The following AKAP7 variants were observed in gnomAD, a reference collection of about 807,000 sequenced individuals.
AKAP7 encodes A kinase (PRKA) anchor protein 7.
Under a neutral mutation model 39.5 loss-of-function variants are expected in AKAP7, and 39 were observed. That is an observed-to-expected ratio of 0.99 (90% CI 0.76 to 1.29). The LOEUF is 1.29. Among genes scored for constraint, AKAP7 ranks in the 50% most tolerant of loss-of-function variants. The pLI, the probability that AKAP7 is intolerant of heterozygous loss-of-function variation, is 0.00. For missense variants in AKAP7, 414 were observed against 407.7 expected (o/e 1.02, Z -0.13); for synonymous variants, 140 against 139.1 (o/e 1.01, Z -0.05).
rs2273867 is a variant in AKAP7 at position 131,250,353 on chromosome 6, T to C, written c.850+30545T>C. 37 of 1,378,122 alleles carry C rather than the reference T, an allele frequency of 2.7e-5. No individual in the cohort carries two copies. The East Asian group carries it at 1.0e-3, about 38-fold the overall frequency. 85.4% of individuals were successfully genotyped at this position (1,378,122 alleles called of 1,614,324 possible). On this transcript the variant is annotated intron_variant, in intron 7 of 7. Transcript: ENST00000431975. Reference sequence around the variant, plus strand: ...CAGTCCCAGAGCAGTTGCATTAGGCTGGAGGACTGGAGGTGGAGCCTTTTT... The same window carrying C: ...CAGTCCCAGAGCAGTTGCATTAGGCCGGAGGACTGGAGGTGGAGCCTTTTT...
upstream of AKAP7, among the ~76,000 whole-genome samples, chr6:131,130,566 G>A (rs745729279): frequency 4.6e-5 from 7 of 152,376 alleles, no homozygotes; most frequent in Non-Finnish European, 1.0e-4. Flanking sequence ...AAAGTGCTGG[G>A]ATTACAAGCG....
At chr6:131,258,324 T>G (rs1294769390) in intron 7 of AKAP7, among the ~76,000 whole-genome samples, 1 of 152,204 alleles carries the variant, frequency 6.6e-6, no homozygotes, top group Non-Finnish European at 1.5e-5. Flanking sequence ...CCTCAAAGTT[T>G]ATTATGCCTT....
intron 7 of AKAP7, among the ~76,000 whole-genome samples, chr6:131,272,398 T>C (rs978507437): frequency 4.6e-5 from 7 of 152,168 alleles, no homozygotes; most frequent in African/African-American, 1.7e-4. Flanking sequence ...TTTCCTTCTT[T>C]CTGCTTAATT....
At chr6:131,189,495 AAG>A (rs148033117) in intron 5 of AKAP7, among the ~76,000 whole-genome samples, 71,958 of 151,824 alleles carry the variant, frequency 0.47, 17,354 homozygotes, top group East Asian at 0.68. Flanking sequence ...ATCTTGCAAA[AAG>A]GGTATATAAG....
At chr6:131,136,480 G>C (rs1800552696) in intron 1 of AKAP7, among the ~76,000 whole-genome samples, 1 of 152,124 alleles carries the variant, frequency 6.6e-6, no homozygotes, top group African/African-American at 2.4e-5. Flanking sequence ...GCAGTTAATC[G>C]TGTGAATATG....
chr6:131,182,903 A>C (rs1805411741), intron 5 of AKAP7, among the ~76,000 whole-genome samples: 1 of 152,106 alleles, frequency 6.6e-6, no homozygotes, highest in Non-Finnish European at 1.5e-5. Context: ...AATTTATGTA[A>C]CTAATTAAAA....
At chr6:131,219,339 A>G (rs1217632773) in intron 6 of AKAP7, among the ~76,000 whole-genome samples, 1 of 151,848 alleles carries the variant, frequency 6.6e-6, no homozygotes, top group Non-Finnish European at 1.5e-5. Context: ...GTTGGAGATG[A>G]TTAGTCTTTC....
chr6:131,273,790 C>T (rs1374906540), intron 7 of AKAP7, among the ~76,000 whole-genome samples: 2 of 151,910 alleles, frequency 1.3e-5, no homozygotes, highest in South Asian at 2.1e-4. Context: ...TATCATTTTC[C>T]TTCTGCCTCA....
chr6:131,165,282 C>A, intron 4 of AKAP7, 65 bp downstream of exon 4: 1 of 1,226,910 alleles, frequency 8.2e-7, no homozygotes. Flanking sequence ...GTAAGCACAG[C>A]AGAACCCAAA....
At chr6:131,131,396 C>T (rs1332989386), upstream of AKAP7, among the ~76,000 whole-genome samples, 1 of 152,012 alleles carries the variant, frequency 6.6e-6, no homozygotes, top group East Asian at 1.9e-4. Flanking sequence ...CCACTCTTGC[C>T]ACGCAACAGG....
intron 7 of AKAP7, among the ~76,000 whole-genome samples, chr6:131,238,684 C>A (rs554706157): frequency 2.0e-5 from 3 of 152,200 alleles, no homozygotes; most frequent in Non-Finnish European, 4.4e-5. Context: ...CTCTTTTGAT[C>A]TTTGTTGGTT....
intron 7 of AKAP7, among the ~76,000 whole-genome samples, chr6:131,271,379 C>T (rs151219182): frequency 4.6e-5 from 7 of 151,950 alleles, no homozygotes; most frequent in Admixed American, 1.3e-4. Context: ...AGTCTAGTTG[C>T]GGATTTTTTT....
chr6:131,268,236 A>G (rs1039235630), intron 7 of AKAP7, among the ~76,000 whole-genome samples: 4 of 152,134 alleles, frequency 2.6e-5, no homozygotes, highest in Non-Finnish European at 5.9e-5. Flanking sequence ...ACTGTGAAGT[A>G]TATCTGCCTG....
intron 7 of AKAP7, among the ~76,000 whole-genome samples, chr6:131,228,907 G>T (rs1389725707): frequency 6.6e-6 from 1 of 152,190 alleles, no homozygotes; most frequent in South Asian, 2.1e-4. Flanking sequence ...ACGTAAGAAT[G>T]TTCTTGCTGA....
chr6:131,270,087 T>C (rs921108827), intron 7 of AKAP7, among the ~76,000 whole-genome samples: 1 of 152,168 alleles, frequency 6.6e-6, no homozygotes, highest in Non-Finnish European at 1.5e-5. Flanking sequence ...ATGGTTTGTT[T>C]TTCATTGAGG....
chr6:131,151,184 A>G (rs1801882445), intron 2 of AKAP7, among the ~76,000 whole-genome samples: 1 of 151,736 alleles, frequency 6.6e-6, no homozygotes, highest in Non-Finnish European at 1.5e-5. Context: ...CTGGGATTAC[A>G]GGTGCCCACC....
intron 4 of AKAP7, among the ~76,000 whole-genome samples, chr6:131,166,091 C>G (rs897422954): frequency 2.0e-4 from 30 of 152,026 alleles, no homozygotes; most frequent in African/African-American, 7.2e-4. Context: ...AATATCTAAC[C>G]CCATTATGAT....
intron 7 of AKAP7, among the ~76,000 whole-genome samples, chr6:131,231,950 C>T (rs1810659239): frequency 6.6e-6 from 1 of 152,176 alleles, no homozygotes; most frequent in Non-Finnish European, 1.5e-5. Flanking sequence ...AATTGGAACT[C>T]TCAGCTTACT....
chr6:131,185,519 T>C, intron 5 of AKAP7: 1 of 278,026 alleles, frequency 3.6e-6, no homozygotes, highest in South Asian at 6.0e-5. Flanking sequence ...GTAATGGCCA[T>C]TCTAATGGGT....
Sources: gnomAD v4.1 joint callset for allele counts (sites outside exome capture counted in the v4.1 genomes callset) on GRCh38, gnomAD v4.1.1 for gene constraint, MANE v1.5 for transcripts, NCBI Gene and HGNC (gene_info 2026-07-23, HGNC 2026-07-21) for gene names.